TTC33: variants seen among roughly 807,000 people sequenced by gnomAD.
TTC33 encodes the protein tetratricopeptide repeat domain 33.
A neutral mutation model predicts 29.4 loss-of-function variants in TTC33; 24 were observed. That is an observed-to-expected ratio of 0.82 (90% confidence interval 0.59 to 1.15). The LOEUF (loss-of-function observed/expected upper bound fraction) is 1.15. TTC33 is among the 50% of genes most tolerant of loss of function. TTC33 has a pLI of 0.00. For synonymous variants in TTC33, 107 were observed against 100.3 expected, an observed-to-expected ratio of 1.07 and a Z score of -0.40; for missense variants, 286 against 310.4, an observed-to-expected ratio of 0.92 and a Z score of 0.59.
In TTC33 at chr5:40,742,992, G is replaced by C. The variant is rs185100663; in HGVS notation, c.221+3806C>G. ...AGTGCCACAAATTATTCTAAGAGCTGAAGACACTATACAAGTTAGATAAAT... is the reference window on the plus strand; with the variant it reads ...AGTGCCACAAATTATTCTAAGAGCTCAAGACACTATACAAGTTAGATAAAT... On this transcript the variant is annotated intron_variant, in intron 2 of 4. Coordinates refer to ENST00000337702, the MANE Select transcript of TTC33 (RefSeq NM_012382.3). 4.1e-3 allele frequency among the ~76,000 whole-genome samples: 630 copies of C among 152,314 alleles called. 3 individuals carry two copies. Among genetic ancestry groups the C allele is most frequent in the African/African-American group, 0.015 (604 of 41,576 alleles).
rs1057196401 is a variant in TTC33 at position 40,719,704 on chromosome 5, A to G, written c.436-3206T>C. ...CTCCAATTTCTCCACACCCTCACCA[A>G]CACTTCATATTGTCCATCTTTTTTA... On this transcript the variant is annotated intron_variant, in intron 4 of 4. Transcript: ENST00000337702. 5.3e-5 allele frequency among the ~76,000 whole-genome samples: 8 copies of G among 152,310 alleles called. No homozygotes were observed. In the East Asian group the frequency reaches 1.5e-3, roughly 29 times the overall value.
In TTC33 at chr5:40,755,232, G is replaced by A. The variant is rs570781810; in HGVS notation, c.-2+592C>T. Among the ~76,000 whole-genome samples the A allele has an allele frequency of 2.6e-5, 4 of 152,272 alleles. No individual in the cohort carries two copies. The East Asian group carries it at 7.7e-4, about 29-fold the overall frequency. On this transcript the variant is annotated intron_variant, in intron 1 of 4. Coordinates refer to ENST00000337702, the MANE Select transcript of TTC33 (RefSeq NM_012382.3). ...GAGAGGGCTTGTCTTGAGTGTGTCT[G>A]AGGATGCAGCACCCAAAGGGAAAAA...
chr5:40,755,608 C>A (rs992104972), intron 1 of TTC33, among the ~76,000 whole-genome samples: 1 of 152,216 alleles, frequency 6.6e-6, no homozygotes, highest in Admixed American at 6.5e-5. Flanking sequence ...GGAGACCAAC[C>A]CTAGCGACCA....
At chr5:40,738,552 TAAAATAAAATAAAATATAAA>T (rs1325339151) in intron 2 of TTC33, among the ~76,000 whole-genome samples, 2 of 112,682 alleles carry the variant, frequency 1.8e-5, no homozygotes, top group East Asian at 5.8e-4. Flanking sequence ...TAAAATAAAA[TAAAATAAAATAAAATATAAA>T]ATAAAATAAA....
At chr5:40,738,435 TATAAA>T (rs201568858) in intron 2 of TTC33, among the ~76,000 whole-genome samples, 9,647 of 79,498 alleles carry the variant, frequency 0.12, 492 homozygotes, top group Admixed American at 0.13. Context: ...TAAAATAAAA[TATAAA>T]ATAAAATACA....
intron 1 of TTC33, among the ~76,000 whole-genome samples, chr5:40,755,533 G>C (rs1332276833): frequency 1.3e-5 from 2 of 151,870 alleles, no homozygotes; most frequent in Admixed American, 1.3e-4. Context: ...GCTCAGGGAA[G>C]GTTGCGGCCG....
At position 40,722,764 on chromosome 5, in the gene TTC33, T is replaced by C. The variant is rs1404095799; in HGVS notation, c.435+5581A>G. ...AGCCCCTGCCCGGCCAGACGCCCCG[T>C]CCCGGAGGTGGCGGGGCAGCCCCCG... On this transcript the variant is annotated intron_variant, in intron 4 of 4. Coordinates refer to ENST00000337702, the MANE Select transcript of TTC33 (RefSeq NM_012382.3). Among the ~76,000 whole-genome samples, 8 of 149,430 alleles carry C rather than the reference T, an allele frequency of 5.4e-5. No homozygotes were observed. The East Asian group carries it at 1.6e-3, about 30-fold the overall frequency.
rs1017380557 is a variant in TTC33, at chr5:40,714,584, T to C, written c.*1561A>G. 9 of 152,222 alleles carry C rather than the reference T, an allele frequency of 5.9e-5. No homozygotes were observed. Among genetic ancestry groups the C allele is most frequent in the Non-Finnish European group, 1.2e-4 (8 of 67,984 alleles). The allele number at this position is 152,222 out of a possible 1,614,324, so 9.4% of individuals were successfully genotyped here. Reference sequence around the variant, plus strand: ...CTTCTCTAGATACCTATTTACGTTTTGAGAATGTTCTTTATTAAACAAAAT... The same window carrying C: ...CTTCTCTAGATACCTATTTACGTTTCGAGAATGTTCTTTATTAAACAAAAT... On this transcript the variant is annotated 3_prime_UTR_variant, in exon 5 of 5. Transcript: ENST00000337702.
rs1429454825 is a variant in TTC33, at chr5:40,746,958, G to C, written c.61C>G (p.Gln21Glu). 1.9e-6 allele frequency: 3 copies of C among 1,614,018 alleles called. No homozygotes were observed. Among genetic ancestry groups the C allele is most frequent in the African/African-American group, 1.3e-5 (1 of 74,900 alleles). Residue 21 changes from glutamine (Q) to glutamate (E), a missense_variant, in exon 2 of 5, where the codon CAG becomes GAG. Gln to Glu is a conservative substitution (Grantham distance 29). Transcript: ENST00000337702. ...GEKVSKVTSQ[Q>E]FEAEAADEKD... ...TCATCAGCAGCTTCAGCTTCAAACT[G>C]CTGGGAAGTGACCTTTGAGACCTTC... is the stretch of plus-strand genomic sequence containing the variant.
At chr5:40,737,152 C>A (rs144703598) in intron 2 of TTC33, among the ~76,000 whole-genome samples, 6 of 152,214 alleles carry the variant, frequency 3.9e-5, no homozygotes, top group African/African-American at 1.4e-4. Context: ...AAAAAATCAG[C>A]CAGGCATGGT....
intron 2 of TTC33, 43 bp from the exon 3 acceptor site, chr5:40,730,386 C>T (rs1742394492): frequency 2.6e-6 from 4 of 1,518,050 alleles, no homozygotes; most frequent in South Asian, 1.2e-5. Flanking sequence ...TTTCAATATG[C>T]TTTTTTGGAC....
chr5:40,742,426 G>A (rs1213734961), intron 2 of TTC33, among the ~76,000 whole-genome samples: 1 of 152,106 alleles, frequency 6.6e-6, no homozygotes, highest in Non-Finnish European at 1.5e-5. Context: ...CAACAGCATT[G>A]AGGTAGATAT....
At chr5:40,729,870 T>C (rs956399833) in intron 3 of TTC33, among the ~76,000 whole-genome samples, 2 of 152,126 alleles carry the variant, frequency 1.3e-5, no homozygotes, top group Non-Finnish European at 2.9e-5. Flanking sequence ...AGCTAATATT[T>C]GTATTTTTAG....
intron 2 of TTC33, among the ~76,000 whole-genome samples, chr5:40,732,657 G>A (rs1412714781): frequency 6.6e-6 from 1 of 151,890 alleles, no homozygotes; most frequent in African/African-American, 2.4e-5. Flanking sequence ...TGGAGTACAT[G>A]GAGTACAGTG....
At chr5:40,722,748 C>G (rs1742173326) in intron 4 of TTC33, among the ~76,000 whole-genome samples, 1 of 151,570 alleles carries the variant, frequency 6.6e-6, no homozygotes, top group Non-Finnish European at 1.5e-5. Context: ...CAGCCCCTGC[C>G]CGGCCAGACG....
At position 40,716,189 on chromosome 5, in the gene TTC33, C is replaced by T. The variant is rs1290754853; in HGVS notation, c.745G>A (p.Gly249Ser). The change falls in exon 5 of 5, where the codon GGT becomes AGT. Residue 249 changes from glycine to serine, a missense_variant. Coordinates refer to ENST00000337702, the MANE Select transcript of TTC33 (RefSeq NM_012382.3). The stretch of plus-strand genomic sequence containing the variant: ...ACAGAGCCATCTGGTGGTGTAGCAC[C>T]ATCCTCCTTTTCAGTTACAGTCTCT... ...AIETVTEKEDGATPPDGSVFI... is the reference protein window; with the variant it reads ...AIETVTEKEDSATPPDGSVFI... 1 of 1,613,818 alleles carries T rather than the reference C, an allele frequency of 6.2e-7. No homozygotes were observed. Among genetic ancestry groups the T allele is most frequent in the Admixed American group, 1.7e-5 (1 of 60,002 alleles).
At chr5:40,755,437 G>A (rs1007146861) in intron 1 of TTC33, among the ~76,000 whole-genome samples, 3 of 152,238 alleles carry the variant, frequency 2.0e-5, no homozygotes, top group African/African-American at 7.2e-5. Flanking sequence ...AGGCTGCCCC[G>A]GACGTCACCT....
intron 3 of TTC33, among the ~76,000 whole-genome samples, 191 bp from the exon 4 acceptor site, chr5:40,728,667 AAATGTAAAC>A (rs1306400642): frequency 1.2e-4 from 18 of 152,170 alleles, no homozygotes; most frequent in Non-Finnish European, 2.4e-4. Context: ...ATAACTATGA[AAATGTAAAC>A]GATTCCCTTT....
intron 1 of TTC33, among the ~76,000 whole-genome samples, chr5:40,747,366 G>C (rs1297426689): frequency 6.6e-6 from 1 of 151,838 alleles, no homozygotes; most frequent in Non-Finnish European, 1.5e-5. Flanking sequence ...CCCAAAACTT[G>C]GTCTTTTATG....
Sources: allele counts gnomAD v4.1 joint callset (sites outside exome capture counted in the v4.1 genomes callset), GRCh38; gene constraint gnomAD v4.1.1; transcripts MANE v1.5; gene names NCBI Gene and HGNC (gene_info 2026-07-23, HGNC 2026-07-21).